CFAP161: variants seen among roughly 807,000 people sequenced by gnomAD.
CFAP161 encodes the protein cilia- and flagella-associated protein 161.
CFAP161 carries 25 observed loss-of-function variants against 29.0 expected under a neutral mutation model. The observed-to-expected ratio is 0.86, with a 90% CI of 0.63 to 1.20. CFAP161 has a LOEUF of 1.20. Ranked by LOEUF, CFAP161 falls within the 50% of genes most tolerant of loss-of-function variation. CFAP161 has a pLI of 0.00. For missense variants in CFAP161, 367 were observed against 371.9 expected, an observed-to-expected ratio of 0.99 and a Z score of 0.11; for synonymous variants, 116 against 137.4, an observed-to-expected ratio of 0.84 and a Z score of 1.09.
intron 5 of CFAP161, among the ~76,000 whole-genome samples, chr15:81,144,784 C>CAAA (rs57014546): frequency 2.5e-4 from 26 of 105,884 alleles, no homozygotes; most frequent in South Asian, 9.1e-4. Context: ...GACCGTGTCT[C>CAAA]AAAAAAAAAA....
At chr15:81,139,287 A>T (rs953941849) in intron 4 of CFAP161, among the ~76,000 whole-genome samples, 1 of 152,080 alleles carries the variant, frequency 6.6e-6, no homozygotes, top group Admixed American at 6.6e-5. Flanking sequence ...ACAGAAAGAG[A>T]CCCTGTGTCA....
chr15:81,105,092 C>CCCTCCCTCCCTCCCTCCCTCCCTCCCTA (rs201054044), intron 1 of CFAP161, among the ~76,000 whole-genome samples: 1 of 53,452 alleles, frequency 1.9e-5, no homozygotes, highest in Admixed American at 2.0e-4. Context: ...CTTTTCTTTT[C>CCCTCCCTCCCTCCCTCCCTCCCTCCCTA]CCTCCCTCCC....
chr15:81,121,052 G>T (rs1353907877), intron 1 of CFAP161, among the ~76,000 whole-genome samples: 1 of 152,126 alleles, frequency 6.6e-6, no homozygotes, highest in Non-Finnish European at 1.5e-5. Context: ...CATTTTTAAG[G>T]TCCAAGTTCA....
intron 5 of CFAP161, 110 bp downstream of exon 5, chr15:81,143,930 T>G: frequency 8.3e-7 from 1 of 1,200,048 alleles, no homozygotes; most frequent in East Asian, 2.5e-5. Context: ...ACTTTCTCTC[T>G]CTTTTCTGTC....
chr15:81,102,518 A>T (rs1388355268), intron 1 of CFAP161, among the ~76,000 whole-genome samples: 1 of 152,164 alleles, frequency 6.6e-6, no homozygotes, highest in African/African-American at 2.4e-5. Context: ...AAAAAAAAAT[A>T]AAAAATTAGT....
intron 4 of CFAP161, among the ~76,000 whole-genome samples, chr15:81,140,662 A>C (rs1894892060): frequency 1.3e-5 from 2 of 151,928 alleles, no homozygotes; most frequent in Non-Finnish European, 2.9e-5. Flanking sequence ...AGGCTCAAGC[A>C]ATTTTCCTGC....
chr15:81,133,250 G>T (rs1201094429), upstream of CFAP161, among the ~76,000 whole-genome samples: 1 of 131,118 alleles, frequency 7.6e-6, no homozygotes, highest in African/African-American at 2.8e-5. Flanking sequence ...TTGGAGATGG[G>T]GTCTCACTAT....
At chr15:81,112,789 A>G (rs1894454117) in intron 1 of CFAP161, among the ~76,000 whole-genome samples, 1 of 152,248 alleles carries the variant, frequency 6.6e-6, no homozygotes, top group African/African-American at 2.4e-5. Context: ...AAATAAATAC[A>G]TAAATCATAA....
In CFAP161 at chr15:81,120,555, G is replaced by A. The variant is rs190175417; in HGVS notation, c.-141-7035G>A. 5.7e-4 allele frequency among the ~76,000 whole-genome samples: 87 copies of A among 152,260 alleles called. 1 individual carries two copies. The East Asian group carries it at 0.013, about 22-fold the overall frequency. On this transcript the variant is annotated intron_variant, in intron 1 of 4. Coordinates refer to the CFAP161 transcript ENST00000560091. ...CACTGAGGTCGGAGGATCACTTGAG[G>A]CCAGGAGTTCAAGACCAGCTCTGAC...
In CFAP161 at chr15:81,143,659, C is replaced by A; in HGVS notation, c.478-3C>A. ...TAGTGCATCTGCTTGCTGTCATTTT[C>A]AGTTGTATTTGTCAAGTGACCACAG... On this transcript the variant is annotated splice_polypyrimidine_tract_variant and splice_region_variant and intron_variant, in intron 4 of 6. Coordinates refer to ENST00000286732, the MANE Select transcript of CFAP161 (RefSeq NM_173528.4). 6.2e-7 allele frequency: 1 copy of A among 1,609,050 alleles called. No homozygotes were observed. Among genetic ancestry groups the A allele is most frequent in the Non-Finnish European group, 8.5e-7 (1 of 1,176,558 alleles).
chr15:81,110,219 T>G (rs1482572200), intron 1 of CFAP161, among the ~76,000 whole-genome samples: 1 of 152,202 alleles, frequency 6.6e-6, no homozygotes, highest in East Asian at 1.9e-4. Context: ...ATTTGTTTTA[T>G]GTAATTGAAT....
At chr15:81,139,339 G>A (rs924817888) in intron 4 of CFAP161, among the ~76,000 whole-genome samples, 2 of 151,940 alleles carry the variant, frequency 1.3e-5, no homozygotes, top group Non-Finnish European at 2.9e-5. Flanking sequence ...AAGAAGAAAC[G>A]ATGCTACCAA....
chr15:81,140,600 T>G (rs1329720537), intron 4 of CFAP161, among the ~76,000 whole-genome samples: 2 of 151,904 alleles, frequency 1.3e-5, no homozygotes, highest in African/African-American at 4.8e-5. Context: ...ACTCTGTCAC[T>G]TAGGCTGGAG....
chr15:81,101,342 C>T (rs1464518159), intron 1 of CFAP161, among the ~76,000 whole-genome samples: 1 of 151,530 alleles, frequency 6.6e-6, no homozygotes, highest in East Asian at 1.9e-4. Flanking sequence ...GCCTGGCCAA[C>T]ATGGTGAAAC....
At chr15:81,136,459 G>A in intron 2 of CFAP161, 57 bp from the exon 3 acceptor site, 1 of 1,505,910 alleles carries the variant, frequency 6.6e-7, no homozygotes, top group South Asian at 1.1e-5. Flanking sequence ...AATTGCCTTG[G>A]CAGTAACTGT....
At chr15:81,119,730 C>G (rs180852326) in intron 1 of CFAP161, among the ~76,000 whole-genome samples, 2 of 151,832 alleles carry the variant, frequency 1.3e-5, no homozygotes, top group African/African-American at 4.8e-5. Context: ...CTGGGGAAAC[C>G]TGCCAAAGAC....
chr15:81,117,162 C>G (rs373353107), intron 1 of CFAP161, among the ~76,000 whole-genome samples: 2 of 152,012 alleles, frequency 1.3e-5, no homozygotes, highest in African/African-American at 4.8e-5. Context: ...ATATTTTAGT[C>G]AAAATCTTGG....
chr15:81,135,765 G>A (rs535227517), intron 2 of CFAP161, among the ~76,000 whole-genome samples: 17 of 152,052 alleles, frequency 1.1e-4, no homozygotes, highest in African/African-American at 3.6e-4. Flanking sequence ...CCAGTCTATC[G>A]TTGTTGGACA....
At chr15:81,124,731 G>A (rs1280687447) in intron 1 of CFAP161, among the ~76,000 whole-genome samples, 1 of 152,104 alleles carries the variant, frequency 6.6e-6, no homozygotes, top group Non-Finnish European at 1.5e-5. Context: ...TCCTGGTTGA[G>A]TCTTGGGAGG....
Sources: gnomAD v4.1 joint callset for allele counts (sites outside exome capture counted in the v4.1 genomes callset) on GRCh38, gnomAD v4.1.1 for gene constraint, MANE v1.5 for transcripts, NCBI Gene and HGNC (gene_info 2026-07-23, HGNC 2026-07-21) for gene names.